The following DGKB variants were observed in gnomAD, a reference collection of about 807,000 sequenced individuals.
The protein encoded by DGKB is 90 kDa diacylglycerol kinase.
In DGKB, 67 loss-of-function variants were observed where a neutral mutation model predicts 114.3. The ratio of observed to expected loss-of-function variants is 0.59; its 90% CI spans 0.48 to 0.72. The LOEUF (loss-of-function observed/expected upper bound fraction) is 0.72. Ranked by LOEUF, DGKB falls within the 30% of genes least tolerant of loss-of-function variation. The pLI is 0.00. For synonymous variants in DGKB, 398 were observed against 323.1 expected (o/e 1.23, Z -2.49); for missense variants, 907 against 975.2 (o/e 0.93, Z 0.93).
chr7:14,614,878 C>T lies in DGKB; in HGVS notation c.1285-1465G>A, dbSNP rs1317188684. The stretch of plus-strand genomic sequence containing the variant: ...CTGGGAGAAGGATGAGCAGGAAAAA[C>T]TTATGCACTAACTTCCCAGGTCTCC... On this transcript the variant is annotated intron_variant, in intron 15 of 25. Transcript: ENST00000402815. 4.6e-5 allele frequency among the ~76,000 whole-genome samples: 7 copies of T among 152,152 alleles called. No individual in the cohort carries two copies. The South Asian group carries it at 1.4e-3, about 32-fold the overall frequency.
intron 2 of DGKB, among the ~76,000 whole-genome samples, chr7:14,775,915 G>A (rs114571881): frequency 0.035 from 5,328 of 152,198 alleles, 305 homozygotes; most frequent in African/African-American, 0.12. Flanking sequence ...GTAACAGGAA[G>A]AGGCTGGAAG....
intron 23 of DGKB, among the ~76,000 whole-genome samples, chr7:14,260,653 G>C (rs17710027): frequency 0.44 from 67,565 of 152,056 alleles, 17,480 homozygotes; most frequent in Non-Finnish European, 0.59. Context: ...GGTATAATTA[G>C]GGGTGAGACC....
intron 21 of DGKB, among the ~76,000 whole-genome samples, chr7:14,460,036 G>A (rs960694230): frequency 1.3e-5 from 2 of 152,046 alleles, no homozygotes; most frequent in African/African-American, 2.4e-5. Context: ...TACTTTACAG[G>A]CAAGCAAATG....
rs180835855 is a variant in DGKB, at chr7:14,445,619, T to C, written c.1835+32542A>G. Among the ~76,000 whole-genome samples, 98 of 152,102 alleles carry C rather than the reference T, an allele frequency of 6.4e-4. 1 individual carries two copies. The highest frequency in any genetic ancestry group is 2.3e-3 in the African/African-American group (97 of 41,548). ...TGAAGTTCTGTGTACATGGTCACAATTTGCATTTAATCAACAGTGATTATA... is the reference window on the plus strand; with the variant it reads ...TGAAGTTCTGTGTACATGGTCACAACTTGCATTTAATCAACAGTGATTATA... On this transcript the variant is annotated intron_variant, in intron 21 of 25. Coordinates refer to ENST00000402815, the MANE Select transcript of DGKB (RefSeq NM_001350709.2).
intron 23 of DGKB, among the ~76,000 whole-genome samples, chr7:14,208,610 T>A (rs931687548): frequency 6.6e-6 from 1 of 152,096 alleles, no homozygotes; most frequent in Non-Finnish European, 1.5e-5. Flanking sequence ...CATATACTAG[T>A]ATTTCTGTAT....
intron 25 of DGKB, chr7:14,176,228 CA>C (rs1417200250): frequency 1.9e-6 from 1 of 524,884 alleles, no homozygotes; most frequent in African/African-American, 2.1e-5. Context: ...TGTCTACTCC[CA>C]GTGCCAAAAG....
intron 14 of DGKB, among the ~76,000 whole-genome samples, chr7:14,627,804 G>A (rs1206208437): frequency 4.6e-5 from 7 of 151,748 alleles, no homozygotes; most frequent in African/African-American, 1.7e-4. Flanking sequence ...TTAGCCGGGC[G>A]TGGTCACGTG....
At chr7:14,619,233 A>T (rs368951962) in intron 15 of DGKB, among the ~76,000 whole-genome samples, 15 of 151,470 alleles carry the variant, frequency 9.9e-5, no homozygotes, top group African/African-American at 2.7e-4. Flanking sequence ...TCCCACTCAC[A>T]ATTTTAGCTG....
At chr7:14,840,275 T>C (rs1260411454) in intron 2 of DGKB, among the ~76,000 whole-genome samples, 4 of 152,232 alleles carry the variant, frequency 2.6e-5, no homozygotes, top group South Asian at 4.2e-4. Context: ...TGTCACCATG[T>C]TATTCTTTCC....
At chr7:14,423,881 TAG>T (rs1166954790) in intron 21 of DGKB, among the ~76,000 whole-genome samples, 5 of 152,082 alleles carry the variant, frequency 3.3e-5, no homozygotes, top group African/African-American at 1.2e-4. Flanking sequence ...TCTATTCTTG[TAG>T]TTGCTCAGGC....
rs368597056 is a variant in DGKB at position 14,919,363 on chromosome 7, C to T, written c.-188+55333G>A. On this transcript the variant is annotated intron_variant, in intron 1 of 4. Transcript: ENST00000437998. ...ATTTGAGAAAAGAGTGAAGGAAATT[C>T]AATGGAGAAAAAATAGTCTTTTCAA... Among the ~76,000 whole-genome samples the T allele has an allele frequency of 8.6e-5, 13 of 152,046 alleles. No homozygotes were observed. The East Asian group carries it at 1.9e-3, about 23-fold the overall frequency.
intron 23 of DGKB, among the ~76,000 whole-genome samples, chr7:14,320,531 CATATGCGGTACAT>C (rs1474589725): frequency 6.6e-6 from 1 of 151,572 alleles, no homozygotes; most frequent in African/African-American, 2.4e-5. Flanking sequence ...ATATGTACCG[CATATGCGGTACAT>C]ATATGTACTA....
chr7:14,476,494 A>T (rs891280486), intron 21 of DGKB, among the ~76,000 whole-genome samples: 3 of 152,162 alleles, frequency 2.0e-5, no homozygotes, highest in African/African-American at 7.2e-5. Context: ...ATAAAGAAAA[A>T]TACAGTTGTC....
intron 17 of DGKB, among the ~76,000 whole-genome samples, chr7:14,605,496 T>C (rs983849104): frequency 6.6e-6 from 1 of 151,562 alleles, no homozygotes; most frequent in Non-Finnish European, 1.5e-5. Flanking sequence ...ACAATAATAA[T>C]TTCTGAGGAG....
intron 25 of DGKB, among the ~76,000 whole-genome samples, chr7:14,174,790 C>G (rs1043205928): frequency 6.6e-6 from 1 of 152,124 alleles, no homozygotes; most frequent in African/African-American, 2.4e-5. Flanking sequence ...ATTATCATCA[C>G]TATCACCATC....
At chr7:14,457,988 T>C (rs967338823) in intron 21 of DGKB, among the ~76,000 whole-genome samples, 1 of 152,182 alleles carries the variant, frequency 6.6e-6, no homozygotes, top group Admixed American at 6.5e-5. Context: ...TTGCGGGAAG[T>C]GCGGCAAGGC....
chr7:14,215,570 T>C (rs1053256189), intron 23 of DGKB, among the ~76,000 whole-genome samples: 16 of 152,086 alleles, frequency 1.1e-4, no homozygotes, highest in African/African-American at 3.6e-4. Flanking sequence ...GTTTTACACG[T>C]TTTATCTCAT....
At chr7:14,852,637 G>A (rs1849567663) in intron 1 of DGKB, among the ~76,000 whole-genome samples, 1 of 151,880 alleles carries the variant, frequency 6.6e-6, no homozygotes, top group Non-Finnish European at 1.5e-5. Flanking sequence ...ATACAAATAT[G>A]AGCCCAAACG....
intron 21 of DGKB, among the ~76,000 whole-genome samples, chr7:14,459,497 A>G (rs569014034): frequency 6.6e-6 from 1 of 152,286 alleles, no homozygotes; most frequent in South Asian, 2.1e-4. Flanking sequence ...GGAAGAAAGG[A>G]TATCAGAGAC....
Sources: gnomAD v4.1 joint callset for allele counts (sites outside exome capture counted in the v4.1 genomes callset) on GRCh38, gnomAD v4.1.1 for gene constraint, MANE v1.5 for transcripts, NCBI Gene and HGNC (gene_info 2026-07-23, HGNC 2026-07-21) for gene names.